Variants in GPR176 observed in about 807,000 individuals in gnomAD.
GPR176 encodes G-protein coupled receptor 176.
A neutral mutation model predicts 35.4 loss-of-function variants in GPR176; 26 were observed. The observed-to-expected ratio is 0.74, with a 90% CI of 0.54 to 1.02. GPR176 has a LOEUF of 1.02. Ranked by LOEUF, GPR176 falls within the 50% of genes least tolerant of loss-of-function variation. The pLI is 0.00. For synonymous variants in GPR176, 278 were observed against 271.3 expected (o/e 1.02, Z -0.24); for missense variants, 597 against 665.3 (o/e 0.90, Z 1.13).
At chr15:39,816,124 G>A (rs1002458697) in intron 1 of GPR176, among the ~76,000 whole-genome samples, 1 of 152,160 alleles carries the variant, frequency 6.6e-6, no homozygotes, top group South Asian at 2.1e-4. Flanking sequence ...AGTGTAGAAT[G>A]GGCTGCCAGT....
intron 1 of GPR176, among the ~76,000 whole-genome samples, chr15:39,841,139 C>T (rs2029940370): frequency 6.6e-6 from 1 of 152,136 alleles, no homozygotes; most frequent in African/African-American, 2.4e-5. Flanking sequence ...TCATTTAACA[C>T]TTATAACTAG....
chr15:39,873,150 C>A (rs2032111178), intron 1 of GPR176, among the ~76,000 whole-genome samples: 1 of 152,140 alleles, frequency 6.6e-6, no homozygotes, highest in African/African-American at 2.4e-5. Flanking sequence ...ATTGTCTTAT[C>A]TGATCTTCAA....
intron 1 of GPR176, among the ~76,000 whole-genome samples, chr15:39,822,232 G>C (rs192230172): frequency 3.6e-4 from 55 of 152,314 alleles, no homozygotes; most frequent in African/African-American, 1.3e-3. Flanking sequence ...CAGCTAAGCT[G>C]TTCCTAAATT....
chr15:39,803,637 G>A (rs1408832284), intron 2 of GPR176, among the ~76,000 whole-genome samples: 2 of 152,128 alleles, frequency 1.3e-5, no homozygotes, highest in Non-Finnish European at 2.9e-5. Flanking sequence ...GCCTGGCACT[G>A]GGTTATAAGA....
chr15:39,900,607 C>T (rs2033248989), intron 1 of GPR176, among the ~76,000 whole-genome samples: 1 of 152,182 alleles, frequency 6.6e-6, no homozygotes, highest in Admixed American at 6.5e-5. Context: ...ATCCCAAAGC[C>T]AAACAGCCCT....
chr15:39,829,685 G>T (rs1900933931), intron 1 of GPR176, among the ~76,000 whole-genome samples: 1 of 152,096 alleles, frequency 6.6e-6, no homozygotes, highest in Non-Finnish European at 1.5e-5. Context: ...CCAATCTGAA[G>T]ATTTTAAATC....
At chr15:39,874,887 T>C (rs2032185394) in intron 1 of GPR176, among the ~76,000 whole-genome samples, 2 of 152,024 alleles carry the variant, frequency 1.3e-5, no homozygotes, top group South Asian at 4.1e-4. Flanking sequence ...CTACTAAAAA[T>C]ACAAAATTAG....
chr15:39,837,986 C>A (rs1453214869), intron 1 of GPR176, among the ~76,000 whole-genome samples: 3 of 113,982 alleles, frequency 2.6e-5, no homozygotes, highest in Non-Finnish European at 5.1e-5. Context: ...ACCCCAACTC[C>A]ATTAATTAAA....
At chr15:39,868,654 G>T (rs2031922828) in intron 1 of GPR176, among the ~76,000 whole-genome samples, 1 of 152,116 alleles carries the variant, frequency 6.6e-6, no homozygotes, top group South Asian at 2.1e-4. Flanking sequence ...TTTTAGGAAT[G>T]CTCAGGATAA....
At chr15:39,822,717 A>C (rs1386612439) in intron 1 of GPR176, among the ~76,000 whole-genome samples, 1 of 152,220 alleles carries the variant, frequency 6.6e-6, no homozygotes, top group Non-Finnish European at 1.5e-5. Flanking sequence ...AGAACACCAA[A>C]ACCTAAACAA....
At chr15:39,817,840 C>T (rs188378237) in intron 1 of GPR176, among the ~76,000 whole-genome samples, 27 of 152,304 alleles carry the variant, frequency 1.8e-4, no homozygotes, top group African/African-American at 6.5e-4. Flanking sequence ...GGTGGGGAAC[C>T]AACATTAAAC....
At chr15:39,874,760 C>T (rs1248390095) in intron 1 of GPR176, among the ~76,000 whole-genome samples, 1 of 152,134 alleles carries the variant, frequency 6.6e-6, no homozygotes, top group Non-Finnish European at 1.5e-5. Flanking sequence ...AACTGCAATT[C>T]CAGCTGGGTG....
At chr15:39,909,739 TTC>T (rs2033527432) in intron 1 of GPR176, 2 of 174,788 alleles carry the variant, frequency 1.1e-5, no homozygotes, top group Admixed American at 1.3e-4. Context: ...ACAAAGTTAT[TTC>T]TCTTTTAATG....
rs764060660 is a variant in GPR176 at position 39,919,845 on chromosome 15, G to A, written c.172+10C>T. On this transcript the variant is annotated intron_variant, in intron 1 of 2. Transcript: ENST00000561100. ...AGGCCCGGTCCGGAGGCGCCCCGCG[G>A]GAGGCTTACCGAGCAGCGAGCCTAT... The A allele has an allele frequency of 7.2e-7, 1 of 1,396,672 alleles. No homozygotes were observed. Among genetic ancestry groups the A allele is most frequent in the South Asian group, 1.7e-5 (1 of 58,916 alleles). The allele number at this position is 1,396,672 out of a possible 1,614,324, so 86.5% of individuals were successfully genotyped here.
rs149846867 is a variant in GPR176 at position 39,833,506 on chromosome 15, T to C, written c.173-26248A>G. ...GCTTAGGGCTGAGGGCGAAGGGAAC[T>C]TGGGGGGACATGTGGATACTAATGA... is the stretch of plus-strand genomic sequence containing the variant. On this transcript the variant is annotated intron_variant, in intron 1 of 2. Coordinates refer to ENST00000561100, the MANE Select transcript of GPR176 (RefSeq NM_007223.3). 7.9e-5 allele frequency among the ~76,000 whole-genome samples: 12 copies of C among 152,216 alleles called. No individual in the cohort carries two copies. The East Asian group carries it at 2.3e-3, about 29-fold the overall frequency.
chr15:39,804,447 T>C (rs1291019929), intron 2 of GPR176, among the ~76,000 whole-genome samples: 1 of 152,238 alleles, frequency 6.6e-6, no homozygotes, highest in East Asian at 1.9e-4. Context: ...AAAATTATGA[T>C]AAATTTACAA....
At chr15:39,850,867 AC>A (rs2030816082) in intron 1 of GPR176, among the ~76,000 whole-genome samples, 1 of 152,120 alleles carries the variant, frequency 6.6e-6, no homozygotes, top group Admixed American at 6.6e-5. Flanking sequence ...AAACAAAAAA[AC>A]AAAAAACAAT....
chr15:39,886,041 C>T (rs1028993575), intron 1 of GPR176, among the ~76,000 whole-genome samples: 1 of 152,094 alleles, frequency 6.6e-6, no homozygotes, highest in Non-Finnish European at 1.5e-5. Context: ...TGAGATGAGA[C>T]TCACCAACAT....
intron 1 of GPR176, among the ~76,000 whole-genome samples, chr15:39,864,515 C>T (rs1466500549): frequency 5.9e-5 from 9 of 151,974 alleles, no homozygotes; most frequent in Admixed American, 5.2e-4. Context: ...AAGACTTAAA[C>T]GTAAGACCTA....
Sources: gnomAD v4.1 joint callset for allele counts (sites outside exome capture counted in the v4.1 genomes callset) on GRCh38, gnomAD v4.1.1 for gene constraint, MANE v1.5 for transcripts, NCBI Gene and HGNC (gene_info 2026-07-23, HGNC 2026-07-21) for gene names.